Variants in NR3C2 observed in about 807,000 individuals in gnomAD.
NR3C2 encodes nuclear receptor subfamily 3 group C member 2, also known as mineralocorticoid receptor.
Under a neutral mutation model 86.4 loss-of-function variants are expected in NR3C2, and 15 were observed. The observed-to-expected ratio is 0.17, with a 90% CI of 0.12 to 0.27. The LOEUF (loss-of-function observed/expected upper bound fraction) is 0.27, where lower values mean the gene tolerates loss of function less well. NR3C2 is among the 10% of genes least tolerant of loss of function. NR3C2 has a pLI of 1.00. For missense variants in NR3C2, 960 were observed against 1,195.6 expected, an observed-to-expected ratio of 0.80 and a Z score of 2.91; for synonymous variants, 458 against 450.5, an observed-to-expected ratio of 1.02 and a Z score of -0.21.
chr4:148,145,737 G>A (rs536021666), intron 6 of NR3C2, among the ~76,000 whole-genome samples: 6 of 152,276 alleles, frequency 3.9e-5, no homozygotes, highest in South Asian at 2.1e-4. Flanking sequence ...CTACTGGTGC[G>A]AGGCCTGGTT....
chr4:148,330,412 T>C (rs1364111573), intron 2 of NR3C2, among the ~76,000 whole-genome samples: 3 of 152,200 alleles, frequency 2.0e-5, no homozygotes, highest in African/African-American at 7.2e-5. Context: ...AGCCCAGTGA[T>C]TCACAGAGGT....
chr4:148,210,367 T>C (rs574009536), intron 3 of NR3C2, among the ~76,000 whole-genome samples: 64 of 152,050 alleles, frequency 4.2e-4, no homozygotes, highest in Non-Finnish European at 8.2e-4. Context: ...ATTTTTTGTG[T>C]TTTAGCAGAG....
intron 6 of NR3C2, among the ~76,000 whole-genome samples, chr4:148,133,701 G>A (rs1228968736): frequency 6.6e-6 from 1 of 152,186 alleles, no homozygotes; most frequent in East Asian, 1.9e-4. Context: ...AGAAGCTGGC[G>A]CAGGATGGTG....
intron 2 of NR3C2, among the ~76,000 whole-genome samples, chr4:148,382,122 G>A (rs972818280): frequency 6.6e-6 from 1 of 152,192 alleles, no homozygotes; most frequent in Non-Finnish European, 1.5e-5. Context: ...CAGCATGGCT[G>A]ACTGAGGACA....
intron 2 of NR3C2, among the ~76,000 whole-genome samples, chr4:148,304,028 T>C (rs1326153520): frequency 6.6e-6 from 1 of 152,192 alleles, no homozygotes; most frequent in Non-Finnish European, 1.5e-5. Context: ...AGCCCGGGTA[T>C]TCAAGGGGAA....
chr4:148,411,854 G>C (rs1748722217), intron 2 of NR3C2, among the ~76,000 whole-genome samples: 1 of 152,196 alleles, frequency 6.6e-6, no homozygotes, highest in Non-Finnish European at 1.5e-5. Flanking sequence ...CACATACCAA[G>C]ATGAAGGAAC....
At chr4:148,108,375 T>C (rs1344648402) in intron 8 of NR3C2, among the ~76,000 whole-genome samples, 1 of 152,198 alleles carries the variant, frequency 6.6e-6, no homozygotes, top group Non-Finnish European at 1.5e-5. Context: ...AGTACTGGGA[T>C]TACAGCTGGG....
At chr4:148,189,901 T>C (rs1353533546) in intron 4 of NR3C2, among the ~76,000 whole-genome samples, 1 of 152,232 alleles carries the variant, frequency 6.6e-6, no homozygotes, top group African/African-American at 2.4e-5. Context: ...ATTTTGTTCC[T>C]TAGTGAGGTT....
chr4:148,332,355 G>A (rs1374870602), intron 2 of NR3C2, among the ~76,000 whole-genome samples: 2 of 152,090 alleles, frequency 1.3e-5, no homozygotes, highest in Non-Finnish European at 2.9e-5. Context: ...TCTTTTAGGA[G>A]GACATTTTTT....
intron 4 of NR3C2, among the ~76,000 whole-genome samples, chr4:148,158,636 A>G (rs1447792203): frequency 6.6e-6 from 1 of 152,214 alleles, no homozygotes; most frequent in Non-Finnish European, 1.5e-5. Context: ...GCCAATGGTG[A>G]TATTTTCAAA....
In NR3C2 at chr4:148,436,626, T is replaced by G. The variant is rs774804554; in HGVS notation, c.235A>C (p.Asn79His). 3 of 1,614,198 alleles carry G rather than the reference T, an allele frequency of 1.9e-6. No homozygotes were observed. In the South Asian group the frequency reaches 3.3e-5, roughly 18 times the overall value. The change falls in exon 2 of 9, where the codon AAT becomes CAT. Residue 79 changes from asparagine to histidine, a missense_variant. Asn to His is a moderately conservative substitution (Grantham distance 68). Transcript: ENST00000358102. ...ELLPCLQQDN[N>H]RPGILTSDIK... ...TCAGATGTTAAAATCCCAGGCCGAT[T>G]ATTGTCTTGCTGAAGGCAAGGGAGT...
chr4:148,261,326 T>G (rs891955641), intron 2 of NR3C2, among the ~76,000 whole-genome samples: 3 of 151,158 alleles, frequency 2.0e-5, no homozygotes, highest in Non-Finnish European at 2.9e-5. Flanking sequence ...AGCGCTATGG[T>G]GCGCTATGGT....
At chr4:148,240,554 C>A (rs1012009938) in intron 3 of NR3C2, among the ~76,000 whole-genome samples, 3 of 152,094 alleles carry the variant, frequency 2.0e-5, no homozygotes, top group African/African-American at 7.2e-5. Context: ...TTTCAACAGG[C>A]TCATGCCAGA....
At chr4:148,374,996 GTAAA>G (rs1746600354) in intron 2 of NR3C2, among the ~76,000 whole-genome samples, 2 of 152,148 alleles carry the variant, frequency 1.3e-5, no homozygotes, top group Non-Finnish European at 2.9e-5. Flanking sequence ...AAATGAAAAA[GTAAA>G]TATGTTGTCA....
chr4:148,247,471 T>C (rs1739372474), intron 3 of NR3C2, among the ~76,000 whole-genome samples: 1 of 152,152 alleles, frequency 6.6e-6, no homozygotes, highest in Non-Finnish European at 1.5e-5. Context: ...ATTTGACTTT[T>C]GTGCAATTTG....
At chr4:148,195,246 T>A (rs897665165) in intron 3 of NR3C2, among the ~76,000 whole-genome samples, 7 of 152,248 alleles carry the variant, frequency 4.6e-5, no homozygotes, top group Non-Finnish European at 1.0e-4. Context: ...CCACCATTTA[T>A]ACATGTGACT....
chr4:148,203,187 G>A (rs968823280), intron 3 of NR3C2, among the ~76,000 whole-genome samples: 3 of 151,960 alleles, frequency 2.0e-5, no homozygotes, highest in African/African-American at 7.2e-5. Flanking sequence ...TTTGGTTGTT[G>A]TTGCTGTTCA....
chr4:148,330,872 G>C (rs1297798010), intron 2 of NR3C2, among the ~76,000 whole-genome samples: 1 of 152,088 alleles, frequency 6.6e-6, no homozygotes, highest in East Asian at 1.9e-4. Flanking sequence ...TTAAAAGTCT[G>C]GGTCCTTCCC....
chr4:148,417,023 C>G (rs1013803280), intron 2 of NR3C2, among the ~76,000 whole-genome samples: 1 of 152,074 alleles, frequency 6.6e-6, no homozygotes, highest in Non-Finnish European at 1.5e-5. Context: ...GTGATCCACC[C>G]GCCTCCGCCT....
Sources: gnomAD v4.1 joint callset for allele counts (sites outside exome capture counted in the v4.1 genomes callset) on GRCh38, gnomAD v4.1.1 for gene constraint, MANE v1.5 for transcripts, NCBI Gene and HGNC (gene_info 2026-07-23, HGNC 2026-07-21) for gene names.